SLC25A26: variants seen among roughly 807,000 people sequenced by gnomAD.
SLC25A26 encodes the protein solute carrier family 25 member 26.
SLC25A26 carries 36 observed loss-of-function variants against 37.8 expected under a neutral mutation model. The observed-to-expected ratio is 0.95, with a 90% CI of 0.73 to 1.26. The LOEUF (loss-of-function observed/expected upper bound fraction) is 1.26, where lower values mean the gene tolerates loss of function less well. Among genes scored for constraint, SLC25A26 ranks in the 50% most tolerant of loss-of-function variants. The pLI is 0.00. For missense variants in SLC25A26, 390 were observed against 331.1 expected, an observed-to-expected ratio of 1.18 and a Z score of -1.38; for synonymous variants, 129 against 122.5, an observed-to-expected ratio of 1.05 and a Z score of -0.35.
chr3:66,335,476 C>T (rs551470385), intron 5 of SLC25A26, among the ~76,000 whole-genome samples: 1 of 152,192 alleles, frequency 6.6e-6, no homozygotes, highest in African/African-American at 2.4e-5. Flanking sequence ...CTGCTCTCAA[C>T]ACACTGTTCT....
intron 7 of SLC25A26, among the ~76,000 whole-genome samples, chr3:66,368,483 A>G (rs1381911365): frequency 1.3e-5 from 2 of 152,210 alleles, no homozygotes; most frequent in Non-Finnish European, 2.9e-5. Flanking sequence ...GAAGGAAGCC[A>G]TAATGTGGAA....
At chr3:66,140,393 C>A (rs1278864647) in intron 1 of SLC25A26, among the ~76,000 whole-genome samples, 4 of 152,100 alleles carry the variant, frequency 2.6e-5, no homozygotes, top group Non-Finnish European at 4.4e-5. Context: ...GACAGCTAGA[C>A]TAGGAGAGGG....
chr3:66,307,662 G>A (rs897409050), intron 5 of SLC25A26, among the ~76,000 whole-genome samples: 1 of 152,032 alleles, frequency 6.6e-6, no homozygotes, highest in African/African-American at 2.4e-5. Context: ...CTTACATCTT[G>A]AGTTAATTTT....
At chr3:66,283,560 G>A (rs778219250) in intron 5 of SLC25A26, among the ~76,000 whole-genome samples, 2 of 152,132 alleles carry the variant, frequency 1.3e-5, no homozygotes, top group South Asian at 4.1e-4. Context: ...GGGGTTATTA[G>A]GCCACTGTGC....
rs903344154 is a variant in SLC25A26, at chr3:66,210,044, C to T, written c.-353-10698C>T. ...TAGGAGTTTCGGATGCCTATTGGAC[C>T]TTCCTGATGCACATCAGCTTTGTTA... On this transcript the variant is annotated intron_variant, in intron 1 of 10. Transcript: ENST00000676754. Among the ~76,000 whole-genome samples, 651 of 147,176 alleles carry T rather than the reference C, an allele frequency of 4.4e-3. 5 individuals carry two copies. Among genetic ancestry groups the T allele is most frequent in the African/African-American group, 0.015 (618 of 39,886 alleles).
At chr3:66,298,343 C>T (rs929869014) in intron 5 of SLC25A26, among the ~76,000 whole-genome samples, 1 of 152,136 alleles carries the variant, frequency 6.6e-6, no homozygotes, top group African/African-American at 2.4e-5. Flanking sequence ...AACTCCTTGT[C>T]ATAAATTGTG....
intron 1 of SLC25A26, among the ~76,000 whole-genome samples, chr3:66,221,683 A>G (rs1040923245): frequency 5.3e-5 from 8 of 151,852 alleles, no homozygotes; most frequent in Non-Finnish European, 1.0e-4. Flanking sequence ...TGCGGAGTCA[A>G]TAAACAGGCT....
intron 1 of SLC25A26, among the ~76,000 whole-genome samples, chr3:66,151,717 T>C (rs1197019955): frequency 1.4e-5 from 2 of 147,602 alleles, no homozygotes; most frequent in Non-Finnish European, 3.1e-5. Context: ...CAACACACCC[T>C]TCTGGTCTTC....
intron 1 of SLC25A26, among the ~76,000 whole-genome samples, chr3:66,161,357 G>A (rs993452122): frequency 6.6e-6 from 1 of 152,142 alleles, no homozygotes; most frequent in Non-Finnish European, 1.5e-5. Context: ...GCTACCTTAT[G>A]TAAAGAATCT....
rs1317685718 is a variant in SLC25A26, at chr3:66,378,619, A to AACAAGCTCCAGG, written c.*813_*824dup. Reference sequence around the variant, plus strand: ...CACTTAGGGATTTTAGACCTTGACTAACAAGCTCCAGGTGTAGAAAAATTC... The same window carrying AACAAGCTCCAGG: ...CACTTAGGGATTTTAGACCTTGACTAACAAGCTCCAGGACAAGCTCCAGGTGTAGAAAAATTC... On this transcript the variant is annotated 3_prime_UTR_variant, in exon 10 of 10. Transcript: ENST00000354883. 3 of 152,564 alleles carry AACAAGCTCCAGG rather than the reference A, an allele frequency of 2.0e-5. No individual in the cohort carries two copies. The highest frequency in any genetic ancestry group is 4.4e-5 in the Non-Finnish European group (3 of 68,042). 9.5% of individuals were successfully genotyped at this position (152,564 alleles called of 1,614,324 possible).
At chr3:66,287,654 A>T (rs993876223) in intron 5 of SLC25A26, among the ~76,000 whole-genome samples, 2 of 152,346 alleles carry the variant, frequency 1.3e-5, no homozygotes, top group South Asian at 2.1e-4. Context: ...CACCTACGGG[A>T]ATGAGGAAAA....
chr3:66,213,434 A>C (rs1443017882), intron 1 of SLC25A26, among the ~76,000 whole-genome samples: 1 of 149,430 alleles, frequency 6.7e-6, no homozygotes, highest in Admixed American at 6.7e-5. Context: ...AAAGCCTAGT[A>C]AAATGACTTT....
intron 9 of SLC25A26, chr3:66,371,087 C>T: frequency 7.3e-7 from 1 of 1,378,934 alleles, no homozygotes; most frequent in South Asian, 1.8e-5. Flanking sequence ...CTTCTAGCTT[C>T]ATGTCCTAAA....
At chr3:66,324,589 T>G (rs1363688071) in intron 5 of SLC25A26, among the ~76,000 whole-genome samples, 1 of 152,224 alleles carries the variant, frequency 6.6e-6, no homozygotes, top group East Asian at 1.9e-4. Flanking sequence ...AGGAGGGAGT[T>G]TGTTTCAGGA....
intron 9 of SLC25A26, among the ~76,000 whole-genome samples, chr3:66,373,324 G>C (rs1229766714): frequency 1.3e-5 from 2 of 152,192 alleles, no homozygotes; most frequent in Non-Finnish European, 2.9e-5. Context: ...ACTGGCTGGG[G>C]CCCTCACTGT....
chr3:66,275,850 T>A (rs1375246753), intron 5 of SLC25A26, among the ~76,000 whole-genome samples: 2 of 152,124 alleles, frequency 1.3e-5, no homozygotes, highest in African/African-American at 4.8e-5. Flanking sequence ...ATAAAACTTA[T>A]GAAGAAGATC....
upstream of SLC25A26, among the ~76,000 whole-genome samples, chr3:66,219,366 C>A (rs1025594017): frequency 2.7e-4 from 41 of 152,236 alleles, no homozygotes; most frequent in African/African-American, 9.2e-4. Flanking sequence ...TATGTTGTCA[C>A]GTATGGCAAA....
intron 1 of SLC25A26, among the ~76,000 whole-genome samples, chr3:66,172,617 C>T (rs2070518155): frequency 6.6e-6 from 1 of 152,104 alleles, no homozygotes; most frequent in South Asian, 2.1e-4. Context: ...AATATATTGT[C>T]TCAAAGTTCT....
chr3:66,344,634 G>A (rs890096578), intron 5 of SLC25A26, among the ~76,000 whole-genome samples: 2 of 152,230 alleles, frequency 1.3e-5, no homozygotes, highest in Admixed American at 1.3e-4. Context: ...CCAGTACTGG[G>A]CCCGTGGCGT....
Sources: gnomAD v4.1 joint callset for allele counts (sites outside exome capture counted in the v4.1 genomes callset) on GRCh38, gnomAD v4.1.1 for gene constraint, MANE v1.5 for transcripts, NCBI Gene and HGNC (gene_info 2026-07-23, HGNC 2026-07-21) for gene names.